The following DIP2C variants were observed in gnomAD, a reference collection of about 807,000 sequenced individuals.
DIP2C encodes disco-interacting protein 2 homolog C.
DIP2C carries 33 observed loss-of-function variants against 192.4 expected under a neutral mutation model. The ratio of observed to expected loss-of-function variants is 0.17; its 90% CI spans 0.13 to 0.23. The LOEUF is 0.23. DIP2C is among the 10% of genes least tolerant of loss of function. DIP2C has a pLI of 1.00. For missense variants in DIP2C, 1,537 were observed against 2,110.1 expected, an observed-to-expected ratio of 0.73 and a Z score of 5.32; for synonymous variants, 979 against 864.1, an observed-to-expected ratio of 1.13 and a Z score of -2.33.
chr10:420,500 A>C (rs1222413759), intron 5 of DIP2C, among the ~76,000 whole-genome samples: 1 of 152,206 alleles, frequency 6.6e-6, no homozygotes. Flanking sequence ...CTGCAGAACC[A>C]ACACACACCC....
At chr10:519,512 G>T (rs1194816406) in intron 1 of DIP2C, among the ~76,000 whole-genome samples, 2 of 152,164 alleles carry the variant, frequency 1.3e-5, no homozygotes, top group Admixed American at 1.3e-4. Context: ...ACATACATGG[G>T]ACCTCCATCC....
chr10:589,557 C>G (rs1396984488), intron 1 of DIP2C, among the ~76,000 whole-genome samples: 4 of 152,180 alleles, frequency 2.6e-5, no homozygotes, highest in African/African-American at 9.7e-5. Context: ...AATTCCAGCA[C>G]CATTTGTTGA....
chr10:278,768 G>A (rs536411418), intron 36 of DIP2C, among the ~76,000 whole-genome samples: 9 of 152,300 alleles, frequency 5.9e-5, no homozygotes, highest in South Asian at 2.1e-4. Flanking sequence ...GCAAAAACCC[G>A]GTGCTTTACA....
At chr10:541,127 C>G (rs1847962939) in intron 1 of DIP2C, among the ~76,000 whole-genome samples, 2 of 150,330 alleles carry the variant, frequency 1.3e-5, no homozygotes, top group Admixed American at 1.3e-4. Flanking sequence ...GCTGGGGAGC[C>G]ACAACACCCG....
chr10:324,895 C>G (rs1253250549), intron 31 of DIP2C: 2 of 528,754 alleles, frequency 3.8e-6, no homozygotes, highest in Non-Finnish European at 7.8e-6. Context: ...GTTTTTCTTT[C>G]ATCTCCATGT....
chr10:287,989 C>T (rs577953805), intron 33 of DIP2C, among the ~76,000 whole-genome samples: 1 of 152,262 alleles, frequency 6.6e-6, no homozygotes, highest in Non-Finnish European at 1.5e-5. Context: ...GGTCTGCATG[C>T]TTTGTTCTCT....
intron 31 of DIP2C, among the ~76,000 whole-genome samples, chr10:320,283 G>A (rs1395884121): frequency 6.6e-6 from 1 of 152,210 alleles, no homozygotes; most frequent in African/African-American, 2.4e-5. Flanking sequence ...GCTGAGGTGG[G>A]AGGATCACGA....
At chr10:392,289 C>G (rs190094550) in intron 10 of DIP2C, among the ~76,000 whole-genome samples, 1 of 152,216 alleles carries the variant, frequency 6.6e-6, no homozygotes, top group Non-Finnish European at 1.5e-5. Flanking sequence ...GGAGAACACG[C>G]GTGACTGTCA....
intron 29 of DIP2C, among the ~76,000 whole-genome samples, chr10:331,616 A>T (rs893486730): frequency 6.6e-6 from 1 of 152,258 alleles, no homozygotes; most frequent in African/African-American, 2.4e-5. Context: ...TATTTAAAAC[A>T]TGAGAGAGGA....
intron 1 of DIP2C, among the ~76,000 whole-genome samples, chr10:534,161 A>G (rs1267115805): frequency 1.3e-5 from 2 of 152,232 alleles, no homozygotes; most frequent in East Asian, 3.8e-4. Context: ...TCTGCTGCTC[A>G]GGTAACAGCA....
At chr10:355,511 T>A (rs922274726) in intron 24 of DIP2C, among the ~76,000 whole-genome samples, 3 of 152,254 alleles carry the variant, frequency 2.0e-5, no homozygotes, top group African/African-American at 7.2e-5. Flanking sequence ...CAAGTACCTA[T>A]ACTTGTCAAG....
intron 1 of DIP2C, among the ~76,000 whole-genome samples, chr10:653,516 A>G (rs1166603956): frequency 1.3e-5 from 2 of 152,218 alleles, no homozygotes; most frequent in Non-Finnish European, 2.9e-5. Context: ...AGCCACGGCA[A>G]CGAAGCTGGC....
chr10:650,525 TC>T (rs1855811452), intron 1 of DIP2C: 1 of 679,104 alleles, frequency 1.5e-6, no homozygotes. Context: ...CCCCAGCTGG[TC>T]CCCCCATGAC....
At chr10:405,314 T>C (rs999107085) in intron 9 of DIP2C, among the ~76,000 whole-genome samples, 2 of 152,236 alleles carry the variant, frequency 1.3e-5, no homozygotes, top group African/African-American at 4.8e-5. Flanking sequence ...TTCTCACTGA[T>C]TTATCACTAG....
chr10:375,292 A>G (rs886521462), intron 17 of DIP2C, among the ~76,000 whole-genome samples: 6 of 152,088 alleles, frequency 3.9e-5, no homozygotes. Flanking sequence ...TGCTCGCTCA[A>G]TCTCTCACCA....
rs551107116 is a variant in DIP2C at position 681,236 on chromosome 10, G to C, written c.85+8258C>G. Among the ~76,000 whole-genome samples, 325 of 147,612 alleles carry C rather than the reference G, an allele frequency of 2.2e-3. 1 individual carries two copies. The highest frequency in any genetic ancestry group is 9.3e-3 in the Middle Eastern group (2 of 214). On this transcript the variant is annotated intron_variant, in intron 1 of 36. Transcript: ENST00000280886. ...CACCATCTATGGCCACGGATATTGG[G>C]AAACACAGACCGCAGTCACATGGTG...
At chr10:502,467 G>A (rs1387859365) in intron 1 of DIP2C, among the ~76,000 whole-genome samples, 2 of 152,106 alleles carry the variant, frequency 1.3e-5, no homozygotes, top group Non-Finnish European at 2.9e-5. Context: ...TAAGGTCTCA[G>A]GTCCATAATC....
intron 1 of DIP2C, among the ~76,000 whole-genome samples, chr10:648,381 C>A (rs531613297): frequency 2.5e-4 from 33 of 131,316 alleles, no homozygotes; most frequent in African/African-American, 8.5e-4. Context: ...CACGTCCACA[C>A]TGGATGGTGG....
chr10:356,528 A>AGGATCAGGCTGTGCGGTT (rs534774634), intron 23 of DIP2C, 22 bp from the exon 24 acceptor site: 170 of 1,599,150 alleles, frequency 1.1e-4, no homozygotes, highest in Middle Eastern at 1.7e-4. Flanking sequence ...CACGGGCATG[A>AGGATCAGGCTGTGCGGTT]GGATCAGGCT....
Sources: gnomAD v4.1 joint callset for allele counts (sites outside exome capture counted in the v4.1 genomes callset) on GRCh38, gnomAD v4.1.1 for gene constraint, MANE v1.5 for transcripts, NCBI Gene and HGNC (gene_info 2026-07-23, HGNC 2026-07-21) for gene names.